NAV3: variants seen among roughly 807,000 people sequenced by gnomAD.
The protein encoded by NAV3 is pore membrane and/or filament interacting like protein 1.
Under a neutral mutation model 244.7 loss-of-function variants are expected in NAV3, and 87 were observed. The observed-to-expected ratio is 0.36, with a 90% CI of 0.30 to 0.42. NAV3 has a LOEUF of 0.42. Ranked by LOEUF, NAV3 falls within the 20% of genes least tolerant of loss-of-function variation. The probability of loss-of-function intolerance (pLI) is 1.00; values close to 1 mark genes in which losing one functional copy is unlikely to be tolerated. For synonymous variants in NAV3, 1,126 were observed against 1,042.2 expected, an observed-to-expected ratio of 1.08 and a Z score of -1.55; for missense variants, 2,663 against 2,893.3, an observed-to-expected ratio of 0.92 and a Z score of 1.83.
intron 3 of NAV3, among the ~76,000 whole-genome samples, chr12:77,956,620 C>T (rs1024293970): frequency 3.9e-5 from 6 of 152,122 alleles, no homozygotes; most frequent in African/African-American, 1.4e-4. Context: ...AGGACTGGAG[C>T]GATCACTTCT....
chr12:78,209,305 T>C (rs971721667), intron 39 of NAV3, among the ~76,000 whole-genome samples: 1 of 152,086 alleles, frequency 6.6e-6, no homozygotes, highest in Non-Finnish European at 1.5e-5. Flanking sequence ...GCTTAACATA[T>C]GACCAAGGAA....
chr12:77,577,029 G>A (rs564784709), intron 2 of NAV3, among the ~76,000 whole-genome samples: 2 of 152,218 alleles, frequency 1.3e-5, no homozygotes, highest in South Asian at 2.1e-4. Context: ...TCATTCAACT[G>A]TTGATTATCT....
chr12:77,938,478 T>C (rs1019041608), intron 1 of NAV3, among the ~76,000 whole-genome samples: 1 of 152,172 alleles, frequency 6.6e-6, no homozygotes, highest in Non-Finnish European at 1.5e-5. Context: ...TCTTATGCAA[T>C]GGGATGCTTC....
intron 2 of NAV3, among the ~76,000 whole-genome samples, chr12:77,576,419 C>G (rs1050172000): frequency 1.3e-5 from 2 of 151,916 alleles, no homozygotes; most frequent in Non-Finnish European, 2.9e-5. Context: ...CAAACAGAAG[C>G]GTGGTCTGGG....
At chr12:78,121,150 A>G (rs908665445) in intron 15 of NAV3, among the ~76,000 whole-genome samples, 6 of 152,228 alleles carry the variant, frequency 3.9e-5, no homozygotes, top group Non-Finnish European at 7.3e-5. Context: ...TTGCAACTCA[A>G]TTAGTAATCA....
chr12:78,172,870 G>T (rs748304378), intron 24 of NAV3, among the ~76,000 whole-genome samples: 1 of 151,618 alleles, frequency 6.6e-6, no homozygotes, highest in Non-Finnish European at 1.5e-5. Flanking sequence ...AGAAGTTATT[G>T]AAAGGTCTTA....
chr12:78,181,174 T>C (rs1381539709), intron 30 of NAV3, 129 bp downstream of exon 30: 8 of 804,906 alleles, frequency 9.9e-6, no homozygotes, highest in African/African-American at 1.8e-5. Context: ...TAGTCCTAGT[T>C]TGATCTTATA....
intron 2 of NAV3, among the ~76,000 whole-genome samples, chr12:77,600,496 A>G (rs1207653467): frequency 6.6e-6 from 1 of 151,980 alleles, no homozygotes; most frequent in Non-Finnish European, 1.5e-5. Flanking sequence ...ATAATTGCAT[A>G]TAGGCTGTTC....
intron 6 of NAV3, among the ~76,000 whole-genome samples, chr12:77,998,069 GGTGA>G (rs899516387): frequency 3.3e-5 from 5 of 152,110 alleles, no homozygotes; most frequent in African/African-American, 1.2e-4. Flanking sequence ...TCAGGGATGG[GGTGA>G]GTATGACTTT....
At chr12:77,911,465 T>C (rs983411481) in intron 1 of NAV3, among the ~76,000 whole-genome samples, 1 of 152,164 alleles carries the variant, frequency 6.6e-6, no homozygotes, top group African/African-American at 2.4e-5. Flanking sequence ...AACTAATAAG[T>C]ACACATAATG....
intron 2 of NAV3, among the ~76,000 whole-genome samples, chr12:77,693,311 C>T (rs1400304364): frequency 6.6e-6 from 1 of 152,016 alleles, no homozygotes; most frequent in Non-Finnish European, 1.5e-5. Flanking sequence ...GACCAAATAC[C>T]ACCATATCAG....
At chr12:77,888,782 A>C (rs917176589) in intron 1 of NAV3, among the ~76,000 whole-genome samples, 4 of 152,018 alleles carry the variant, frequency 2.6e-5, no homozygotes, top group Non-Finnish European at 5.9e-5. Context: ...TGAATGTTCT[A>C]AGTCTTCAAA....
At chr12:77,804,840 T>G (rs1311405265) in intron 2 of NAV3, among the ~76,000 whole-genome samples, 1 of 152,144 alleles carries the variant, frequency 6.6e-6, no homozygotes, top group East Asian at 1.9e-4. Flanking sequence ...TGTTCTCTCT[T>G]ATTTCCTTGA....
chr12:78,199,909 C>A (rs191493383), intron 37 of NAV3, among the ~76,000 whole-genome samples: 2 of 152,052 alleles, frequency 1.3e-5, no homozygotes, highest in Non-Finnish European at 2.9e-5. Flanking sequence ...ATAACTTAAA[C>A]GCTTTGTAGA....
rs756888145 is a variant in NAV3, at chr12:77,749,976, T to A, written c.72+177710T>A. ...GCAGCTGCTGCTAGAGAGATATATTTCAGGTGATTCTGCAGTTCAATAAAG... is the reference window on the plus strand; with the variant it reads ...GCAGCTGCTGCTAGAGAGATATATTACAGGTGATTCTGCAGTTCAATAAAG... On this transcript the variant is annotated intron_variant, in intron 2 of 8. Transcript: ENST00000550042. 3.3e-5 allele frequency among the ~76,000 whole-genome samples: 5 copies of A among 152,200 alleles called. No individual in the cohort carries two copies. The South Asian group carries it at 6.2e-4, about 19-fold the overall frequency.
At chr12:78,157,349 A>T (rs1456624131) in intron 22 of NAV3, among the ~76,000 whole-genome samples, 1 of 151,022 alleles carries the variant, frequency 6.6e-6, no homozygotes, top group African/African-American at 2.4e-5. Flanking sequence ...TAGGAGTTGG[A>T]GAGTAACCCA....
At chr12:78,077,201 AT>A (rs1461419509) in intron 12 of NAV3, among the ~76,000 whole-genome samples, 1 of 152,034 alleles carries the variant, frequency 6.6e-6, no homozygotes, top group African/African-American at 2.4e-5. Context: ...AATAATGAAA[AT>A]TTTTAGAAAG....
chr12:77,620,445 A>C (rs1871324986), intron 2 of NAV3, among the ~76,000 whole-genome samples: 1 of 151,572 alleles, frequency 6.6e-6, no homozygotes, highest in Admixed American at 6.6e-5. Flanking sequence ...TCAAATTAAC[A>C]CTTTTGATTT....
At chr12:77,753,735 T>G (rs1490878847) in intron 2 of NAV3, among the ~76,000 whole-genome samples, 2 of 152,204 alleles carry the variant, frequency 1.3e-5, no homozygotes, top group Non-Finnish European at 2.9e-5. Context: ...GGCACACAAG[T>G]GGTACCATTT....
Sources: gnomAD v4.1 joint callset for allele counts (sites outside exome capture counted in the v4.1 genomes callset) on GRCh38, gnomAD v4.1.1 for gene constraint, MANE v1.5 for transcripts, NCBI Gene and HGNC (gene_info 2026-07-23, HGNC 2026-07-21) for gene names.